Variants in DPP10 observed in about 807,000 individuals in gnomAD.
DPP10 encodes dipeptidyl peptidase like 10.
A neutral mutation model predicts 120.9 loss-of-function variants in DPP10; 33 were observed. The observed-to-expected ratio is 0.27, with a 90% CI of 0.21 to 0.37. DPP10 has a LOEUF of 0.37. DPP10 is among the 10% of genes least tolerant of loss of function. DPP10 has a pLI of 1.00. For synonymous variants in DPP10, 337 were observed against 326.1 expected (o/e 1.03, Z -0.36); for missense variants, 816 against 942.8 (o/e 0.87, Z 1.76).
At chr2:115,663,944 G>A (rs912178292) in intron 5 of DPP10, among the ~76,000 whole-genome samples, 4 of 151,982 alleles carry the variant, frequency 2.6e-5, no homozygotes, top group Admixed American at 2.0e-4. Context: ...GCAGTGAGCC[G>A]AGATCGTGCC....
intron 1 of DPP10, among the ~76,000 whole-genome samples, chr2:115,059,358 T>A (rs1459848468): frequency 6.6e-6 from 1 of 150,974 alleles, no homozygotes; most frequent in Non-Finnish European, 1.5e-5. Context: ...ATTTCTTTTT[T>A]TTTTTTTTTT....
chr2:115,428,582 A>G (rs1157455658), intron 3 of DPP10, among the ~76,000 whole-genome samples: 2 of 152,000 alleles, frequency 1.3e-5, no homozygotes, highest in African/African-American at 2.4e-5. Flanking sequence ...ACACTTTTAA[A>G]CAACCAGATC....
chr2:115,779,420 T>G (rs1285476946), intron 15 of DPP10, among the ~76,000 whole-genome samples: 1 of 152,082 alleles, frequency 6.6e-6, no homozygotes, highest in African/African-American at 2.4e-5. Context: ...TGATCACTGG[T>G]TGACTTAATA....
At chr2:114,740,434 C>A (rs548440596) in intron 1 of DPP10, among the ~76,000 whole-genome samples, 43 of 148,898 alleles carry the variant, frequency 2.9e-4, no homozygotes, top group Non-Finnish European at 5.3e-4. Flanking sequence ...GTGCAGCACA[C>A]CAGCATGGCA....
intron 15 of DPP10, among the ~76,000 whole-genome samples, chr2:115,779,114 G>A (rs907171769): frequency 6.6e-6 from 1 of 151,970 alleles, no homozygotes; most frequent in Non-Finnish European, 1.5e-5. Flanking sequence ...ATTAGACTTG[G>A]TCAAGTTCAG....
At chr2:114,567,829 G>A (rs1443248318) in intron 1 of DPP10, among the ~76,000 whole-genome samples, 1 of 152,046 alleles carries the variant, frequency 6.6e-6, no homozygotes, top group African/African-American at 2.4e-5. Context: ...ACGGACACAG[G>A]AACGGGAACA....
intron 5 of DPP10, among the ~76,000 whole-genome samples, chr2:115,615,502 G>T (rs748957754): frequency 1.3e-5 from 2 of 152,058 alleles, no homozygotes; most frequent in Admixed American, 6.6e-5. Context: ...ACCATTACAA[G>T]ATAAATGTAT....
chr2:115,446,907 A>G (rs1483306339), intron 3 of DPP10, among the ~76,000 whole-genome samples: 1 of 152,176 alleles, frequency 6.6e-6, no homozygotes, highest in Non-Finnish European at 1.5e-5. Context: ...TTTCCTTGAA[A>G]TGCACGAGGT....
chr2:115,191,599 T>G (rs2054887377), intron 1 of DPP10, among the ~76,000 whole-genome samples: 1 of 152,108 alleles, frequency 6.6e-6, no homozygotes, highest in Non-Finnish European at 1.5e-5. Flanking sequence ...TTAGCTTTAG[T>G]TTGGTAGGGT....
At chr2:115,258,284 C>T (rs1261858396) in intron 1 of DPP10, among the ~76,000 whole-genome samples, 1 of 152,052 alleles carries the variant, frequency 6.6e-6, no homozygotes, top group Admixed American at 6.6e-5. Context: ...TTAAATTGAA[C>T]GTTTAATGTG....
At chr2:115,312,838 A>G (rs2061637725) in intron 2 of DPP10, among the ~76,000 whole-genome samples, 1 of 152,176 alleles carries the variant, frequency 6.6e-6, no homozygotes, top group African/African-American at 2.4e-5. Flanking sequence ...AGAGGAATCT[A>G]TGTCAGGAGG....
intron 1 of DPP10, among the ~76,000 whole-genome samples, chr2:114,462,866 CT>C (rs1418858563): frequency 6.6e-6 from 1 of 152,196 alleles, no homozygotes; most frequent in African/African-American, 2.4e-5. Context: ...CTCCCACCCC[CT>C]GTTGACTTTA....
At chr2:114,445,426 A>C (rs777715874) in intron 1 of DPP10, among the ~76,000 whole-genome samples, 4 of 152,138 alleles carry the variant, frequency 2.6e-5, no homozygotes, top group Non-Finnish European at 5.9e-5. Context: ...TTCTTCTCTC[A>C]ACAGTTAAAC....
chr2:115,381,155 C>G (rs911840939), intron 3 of DPP10, among the ~76,000 whole-genome samples: 1 of 152,166 alleles, frequency 6.6e-6, no homozygotes, highest in African/African-American at 2.4e-5. Context: ...TATTTTCCAA[C>G]TTGGTTCCAT....
chr2:114,788,178 A>G (rs1167439853), intron 1 of DPP10, among the ~76,000 whole-genome samples: 4 of 146,830 alleles, frequency 2.7e-5, no homozygotes, highest in African/African-American at 9.7e-5. Flanking sequence ...TGAACTATAT[A>G]AAAAATGACT....
intron 1 of DPP10, among the ~76,000 whole-genome samples, chr2:114,868,250 C>G (rs1690396100): frequency 6.6e-6 from 1 of 152,208 alleles, no homozygotes; most frequent in Non-Finnish European, 1.5e-5. Context: ...TCTCCCAGGG[C>G]ACTGCTTAAA....
chr2:115,466,762 C>G (rs987279621), intron 3 of DPP10, among the ~76,000 whole-genome samples: 1 of 152,074 alleles, frequency 6.6e-6, no homozygotes, highest in Non-Finnish European at 1.5e-5. Flanking sequence ...ATATTGGGTT[C>G]TACTTTTGTT....
At chr2:115,399,928 G>A (rs886932379) in intron 3 of DPP10, among the ~76,000 whole-genome samples, 1 of 152,068 alleles carries the variant, frequency 6.6e-6, no homozygotes, top group African/African-American at 2.4e-5. Flanking sequence ...GGTTCTGCAG[G>A]CTGTACAGGA....
intron 1 of DPP10, among the ~76,000 whole-genome samples, chr2:114,617,220 A>G (rs1342866628): frequency 1.3e-5 from 2 of 152,098 alleles, no homozygotes; most frequent in Non-Finnish European, 2.9e-5. Context: ...CTGGAAGACA[A>G]TTGAGGACAT....
Sources: gnomAD v4.1 joint callset for allele counts (sites outside exome capture counted in the v4.1 genomes callset) on GRCh38, gnomAD v4.1.1 for gene constraint, MANE v1.5 for transcripts, NCBI Gene and HGNC (gene_info 2026-07-23, HGNC 2026-07-21) for gene names.